The following CRACD variants were observed in gnomAD, a reference collection of about 807,000 sequenced individuals.
The protein encoded by CRACD is capping protein-inhibiting regulator of actin dynamics.
Under a neutral mutation model 106.8 loss-of-function variants are expected in CRACD, and 56 were observed. The ratio of observed to expected loss-of-function variants is 0.52; its 90% confidence interval spans 0.42 to 0.66. The LOEUF (loss-of-function observed/expected upper bound fraction) is 0.66, where lower values mean the gene tolerates loss of function less well. Among genes scored for constraint, CRACD ranks in the 30% least tolerant of loss-of-function variants. The pLI, the probability that CRACD is intolerant of heterozygous loss-of-function variation, is 0.00. For synonymous variants in CRACD, 754 were observed against 670.8 expected, an observed-to-expected ratio of 1.12 and a Z score of -1.92; for missense variants, 1,730 against 1,623.2, an observed-to-expected ratio of 1.07 and a Z score of -1.13.
chr4:56,195,270 T>A (rs1176768361), intron 2 of CRACD, among the ~76,000 whole-genome samples: 1 of 152,088 alleles, frequency 6.6e-6, no homozygotes, highest in Non-Finnish European at 1.5e-5. Flanking sequence ...AGTCAGAACA[T>A]GGCTATAAAT....
At chr4:56,193,200 G>C (rs1737461813) in intron 2 of CRACD, among the ~76,000 whole-genome samples, 1 of 152,156 alleles carries the variant, frequency 6.6e-6, no homozygotes, top group African/African-American at 2.4e-5. Flanking sequence ...GATCTCGTGA[G>C]ACTTATTCAT....
intron 2 of CRACD, among the ~76,000 whole-genome samples, chr4:56,240,300 G>T (rs1740288611): frequency 6.6e-6 from 1 of 152,022 alleles, no homozygotes; most frequent in Non-Finnish European, 1.5e-5. Context: ...TTAGGTAGGG[G>T]GATTCCTAAC....
chr4:56,145,145 AT>A (rs951379184), intron 1 of CRACD, among the ~76,000 whole-genome samples: 10 of 152,108 alleles, frequency 6.6e-5, no homozygotes, highest in Non-Finnish European at 1.3e-4. Context: ...CAATTTTCTT[AT>A]TTTAAGCTCA....
At chr4:56,064,841 G>A (rs538112647) in intron 1 of CRACD, among the ~76,000 whole-genome samples, 3 of 151,966 alleles carry the variant, frequency 2.0e-5, no homozygotes, top group Non-Finnish European at 2.9e-5. Context: ...CAGATTCATC[G>A]AAGTTTCACC....
chr4:56,139,554 A>C (rs1216077603), intron 1 of CRACD, among the ~76,000 whole-genome samples: 1 of 152,194 alleles, frequency 6.6e-6, no homozygotes, highest in Non-Finnish European at 1.5e-5. Context: ...TTCTGAAGGG[A>C]ATGCTGGGGC....
chr4:56,315,690 G>A lies in CRACD; in HGVS notation c.2188G>A (p.Asp730Asn), dbSNP rs1745579987. 1.9e-6 allele frequency: 3 copies of A among 1,614,074 alleles called. No individual in the cohort carries two copies. The South Asian group carries it at 3.3e-5, about 18-fold the overall frequency. ...SIMPAWQKFS[D>N]GGTETSKQST... ...TATGCCTGCCTGGCAGAAATTTTCCGATGGTGGCACGGAGACCTCCAAACA... is the reference window on the plus strand; with the variant it reads ...TATGCCTGCCTGGCAGAAATTTTCCAATGGTGGCACGGAGACCTCCAAACA... The change falls in exon 8 of 11, where the codon GAT (aspartate) becomes AAT (asparagine). Residue 730 changes from aspartate (D) to asparagine (N), a missense_variant. This residue lies in a region of CRACD where 1,620 missense variants were observed against 1,481.6 expected (regional missense o/e 1.09). Transcript: ENST00000682029. This position sits in a 1 kb window ranked among gnomAD's most constrained non-coding sequence, Gnocchi z 4.1.
At chr4:56,239,234 A>C (rs886360002) in intron 2 of CRACD, among the ~76,000 whole-genome samples, 1 of 152,060 alleles carries the variant, frequency 6.6e-6, no homozygotes, top group African/African-American at 2.4e-5. Flanking sequence ...CGGAGGTTGC[A>C]GTGAGTCAAG....
At chr4:56,265,746 A>G (rs1741985251) in intron 2 of CRACD, among the ~76,000 whole-genome samples, 1 of 152,200 alleles carries the variant, frequency 6.6e-6, no homozygotes, top group Admixed American at 6.5e-5. Flanking sequence ...ACCAACCCAT[A>G]GGGCACATTC....
At chr4:56,259,950 A>G (rs77274323) in intron 2 of CRACD, among the ~76,000 whole-genome samples, 4,036 of 152,248 alleles carry the variant, frequency 0.027, 90 homozygotes, top group South Asian at 0.09. Context: ...TCAGAACCCA[A>G]TTGAGGATGA....
At chr4:56,284,595 G>A (rs1356437868) in intron 3 of CRACD, among the ~76,000 whole-genome samples, 2 of 151,980 alleles carry the variant, frequency 1.3e-5, no homozygotes, top group Non-Finnish European at 2.9e-5. Context: ...CGTGGTGGTG[G>A]GTACCTGTAA....
At chr4:56,164,236 G>A (rs546549771) in intron 1 of CRACD, among the ~76,000 whole-genome samples, 4 of 150,942 alleles carry the variant, frequency 2.7e-5, no homozygotes, top group African/African-American at 7.3e-5. Context: ...CCAGGTTCAC[G>A]CCATTGTCCT....
At chr4:56,317,568 A>C (rs1745759572) in intron 8 of CRACD, among the ~76,000 whole-genome samples, 1 of 152,202 alleles carries the variant, frequency 6.6e-6, no homozygotes, top group Non-Finnish European at 1.5e-5. Flanking sequence ...CGCAGTGATG[A>C]TAAAACTGGA....
chr4:56,110,506 A>G (rs1734084415), intron 1 of CRACD, among the ~76,000 whole-genome samples: 1 of 152,194 alleles, frequency 6.6e-6, no homozygotes, highest in Non-Finnish European at 1.5e-5. Flanking sequence ...CTTAGACTAG[A>G]GCAGGGTAGT....
At chr4:56,177,746 A>C (rs1046081300) in intron 1 of CRACD, among the ~76,000 whole-genome samples, 6 of 152,124 alleles carry the variant, frequency 3.9e-5, no homozygotes, top group South Asian at 2.1e-4. Context: ...GGTAGGTTGC[A>C]TGGATGTAGG....
At chr4:56,298,709 G>T (rs2109722701) in intron 4 of CRACD, among the ~76,000 whole-genome samples, 1 of 152,272 alleles carries the variant, frequency 6.6e-6, no homozygotes, top group South Asian at 2.1e-4. Context: ...GAGGCGGGTG[G>T]ATCACTTGAG....
At chr4:56,266,174 T>TA (rs899924176) in intron 2 of CRACD, among the ~76,000 whole-genome samples, 134 of 152,294 alleles carry the variant, frequency 8.8e-4, no homozygotes, top group African/African-American at 3.2e-3. Context: ...TATAGATGCA[T>TA]ATGTAAGTTC....
intron 1 of CRACD, among the ~76,000 whole-genome samples, chr4:56,080,159 A>G (rs932904930): frequency 9.2e-5 from 14 of 152,218 alleles, no homozygotes; most frequent in African/African-American, 3.4e-4. Context: ...CCTGGGTAAC[A>G]TAGTGAGAGC....
chr4:56,284,812 T>C (rs1455699553), intron 3 of CRACD, among the ~76,000 whole-genome samples: 1 of 152,144 alleles, frequency 6.6e-6, no homozygotes, highest in African/African-American at 2.4e-5. Context: ...ATTAAAGGCT[T>C]GATTACAGTA....
chr4:56,204,310 A>G (rs1260410850), intron 2 of CRACD, among the ~76,000 whole-genome samples: 1 of 152,246 alleles, frequency 6.6e-6, no homozygotes, highest in African/African-American at 2.4e-5. Flanking sequence ...CTGCTATAAC[A>G]GAATACCCAC....
Sources: gnomAD v4.1 joint callset for allele counts (sites outside exome capture counted in the v4.1 genomes callset) on GRCh38, gnomAD v4.1.1 for gene constraint, gnomAD v4.1.1 regional missense constraint, Gnocchi (gnomAD v3.1) non-coding constraint, MANE v1.5 for transcripts, NCBI Gene and HGNC (gene_info 2026-07-23, HGNC 2026-07-21) for gene names.